FCMR: variants seen among roughly 807,000 people sequenced by gnomAD.
FCMR encodes Fc mu receptor.
Under a neutral mutation model 41.6 loss-of-function variants are expected in FCMR, and 34 were observed. The ratio of observed to expected loss-of-function variants is 0.82; its 90% CI spans 0.62 to 1.09. The LOEUF is 1.09. Among genes scored for constraint, FCMR ranks in the 50% least tolerant of loss-of-function variants. The pLI, the probability that FCMR is intolerant of heterozygous loss-of-function variation, is 0.00. For missense variants in FCMR, 496 were observed against 512.5 expected (o/e 0.97, Z 0.31); for synonymous variants, 209 against 211.8 (o/e 0.99, Z 0.12).
rs2102549434 is a variant in FCMR, at chr1:206,909,383, G to A, written c.1044+79C>T. The A allele has an allele frequency of 5.7e-6, 5 of 872,624 alleles. No homozygotes were observed. In the South Asian group the frequency reaches 1.7e-4, roughly 30 times the overall value. The allele number at this position is 872,624 out of a possible 1,614,324, so 54.1% of individuals were successfully genotyped here. On this transcript the variant is annotated intron_variant, in intron 7 of 7. Coordinates refer to ENST00000367091, the MANE Select transcript of FCMR (RefSeq NM_005449.5). The surrounding 1 kb of genome is among the most constrained non-coding windows in gnomAD (Gnocchi z 5.0). ...GATCGCGGCGGCGGCGGCGCGGGAA[G>A]CCACACTCGGGTCCCCGCCCAGGGC...
chr1:206,915,711 G>C (rs1310134584), intron 1 of FCMR, among the ~76,000 whole-genome samples: 5 of 152,106 alleles, frequency 3.3e-5, no homozygotes, highest in Non-Finnish European at 7.4e-5. Context: ...CTGAAGTGGG[G>C]AGAAGAGATT....
chr1:206,915,755 C>T (rs983850615), intron 1 of FCMR, among the ~76,000 whole-genome samples: 1 of 151,990 alleles, frequency 6.6e-6, no homozygotes, highest in African/African-American at 2.4e-5. Flanking sequence ...CCTAACAGTC[C>T]GGGATATGAG....
Position 206,913,930 on chromosome 1 carries a change from T to G in FCMR, c.202A>C (p.Ile68Leu). 6.2e-7 allele frequency: 1 copy of G among 1,614,242 alleles called. No homozygotes were observed. The highest frequency in any genetic ancestry group is 8.5e-7 in the Non-Finnish European group (1 of 1,180,042). Residue 68 changes from isoleucine to leucine, a missense_variant, in exon 2 of 8, where the codon ATC (isoleucine) becomes CTC (leucine). Transcript: ENST00000367091. ...CGTVVSTTNF[I>L]KAEYKGRVTL... is the part of the protein sequence containing the mutation. The stretch of plus-strand genomic sequence containing the variant: ...ACTCGGCCCTTGTATTCTGCCTTGA[T>G]GAAGTTGGTGGTGGATACCACGGTA...
chr1:206,917,456 C>T (rs1200303791), intron 1 of FCMR, among the ~76,000 whole-genome samples: 1 of 152,168 alleles, frequency 6.6e-6, no homozygotes, highest in Non-Finnish European at 1.5e-5. Flanking sequence ...AAGTGTCCAC[C>T]TCCTTTCAAA....
Position 206,914,097 on chromosome 1 carries a change from G to A in FCMR, c.38-3C>T, listed in dbSNP as rs774537466. 3 of 1,605,850 alleles carry A rather than the reference G, an allele frequency of 1.9e-6. No individual in the cohort carries two copies. In the Admixed American group the frequency reaches 5.0e-5, roughly 27 times the overall value. ...GAGGATCCTCAGGGCCCCCGATACT[G>A]CAGGGAGAGGAGATTAATGCAGAGG... On this transcript the variant is annotated splice_region_variant and splice_polypyrimidine_tract_variant and intron_variant, in intron 1 of 7. Transcript: ENST00000367091.
At chr1:206,922,088 G>T, upstream of FCMR, 1 of 581,342 alleles carries the variant, frequency 1.7e-6, no homozygotes. Flanking sequence ...AAAACATGTT[G>T]TGTGGAGTAA....
At chr1:206,922,895 G>T (rs1374154992), upstream of FCMR, among the ~76,000 whole-genome samples, 1 of 152,160 alleles carries the variant, frequency 6.6e-6, no homozygotes, top group African/African-American at 2.4e-5. Flanking sequence ...CCTGGGCCTC[G>T]GTTTTTTCCT....
chr1:206,916,834 A>T (rs1216043016), intron 1 of FCMR, among the ~76,000 whole-genome samples: 1 of 152,236 alleles, frequency 6.6e-6, no homozygotes, highest in Non-Finnish European at 1.5e-5. Flanking sequence ...AAAGGTGATT[A>T]CATCTGTCTA....
Position 206,913,934 on chromosome 1 carries a change from G to T in FCMR, c.198C>A (p.Asn66Lys), listed in dbSNP as rs764455584. The T allele has an allele frequency of 1.2e-6, 2 of 1,614,238 alleles. No individual in the cohort carries two copies. Among genetic ancestry groups the T allele is most frequent in the Non-Finnish European group, 1.7e-6 (2 of 1,180,050 alleles). ...GGCCCTTGTATTCTGCCTTGATGAAGTTGGTGGTGGATACCACGGTACCAC... is the reference window on the plus strand; with the variant it reads ...GGCCCTTGTATTCTGCCTTGATGAATTTGGTGGTGGATACCACGGTACCAC... ...GTCGTVVSTTNFIKAEYKGRV... is the reference protein window; with the variant it reads ...GTCGTVVSTTKFIKAEYKGRV... The change falls in exon 2 of 8, where the codon AAC (asparagine) becomes AAA (lysine). Residue 66 changes from asparagine to lysine, a missense_variant. Physicochemically the swap from Asn to Lys is moderately conservative, Grantham distance 94. Coordinates refer to ENST00000367091, the MANE Select transcript of FCMR (RefSeq NM_005449.5).
Position 206,904,774 on chromosome 1 carries a change from T to G in FCMR, c.*245A>C, listed in dbSNP as rs1678546135. On this transcript the variant is annotated 3_prime_UTR_variant, in exon 8 of 8. Coordinates refer to ENST00000367091, the MANE Select transcript of FCMR (RefSeq NM_005449.5). The stretch of plus-strand genomic sequence containing the variant: ...GGCTTGGAAAGGAAGCAAGTGGCAT[T>G]GGGACAATTGCTCTACATGCCTACA... The G allele has an allele frequency of 4.0e-6, 2 of 495,176 alleles. No homozygotes were observed. Among genetic ancestry groups the G allele is most frequent in the Non-Finnish European group, 7.4e-6 (2 of 270,904 alleles). The allele number at this position is 495,176 out of a possible 1,614,324, so 30.7% of individuals were successfully genotyped here.
Position 206,910,339 on chromosome 1 carries a change from C to T in FCMR, c.712G>A (p.Ala238Thr), listed in dbSNP as rs1203839656. Residue 238 changes from alanine (A) to threonine (T), a missense_variant and splice_region_variant, in exon 5 of 8, where the codon GCA becomes ACA. Coordinates refer to ENST00000367091, the MANE Select transcript of FCMR (RefSeq NM_005449.5). ...NHHTRLHRQR[A>T]LDYGSQSGRE... The stretch of plus-strand genomic sequence containing the variant: ...CCAGACTGTGAGCCATAGTCCAGTG[C>T]TCTGGGGAGGGAAGGAAAGGGAGAG... The T allele has an allele frequency of 1.3e-6, 2 of 1,548,590 alleles. No individual in the cohort carries two copies. The highest frequency in any genetic ancestry group is 2.4e-5 in the South Asian group (2 of 81,826).
chr1:206,910,057 C>T, intron 5 of FCMR, 153 bp downstream of exon 5: 1 of 1,142,790 alleles, frequency 8.8e-7, no homozygotes, highest in South Asian at 1.7e-5. Context: ...CCGCTCTCCT[C>T]CTCAGACCAG....
chr1:206,914,041 C>T lies in FCMR; in HGVS notation c.91G>A (p.Gly31Arg), dbSNP rs200811923. The T allele has an allele frequency of 1.1e-5, 17 of 1,614,054 alleles. No individual in the cohort carries two copies. The highest frequency in any genetic ancestry group is 1.1e-5 in the Non-Finnish European group (13 of 1,180,034). ...PEVKVEGELG[G>R]SVTIKCPLPE... ...AGTGGGCACTTGATGGTAACTGATC[C>T]GCCCAGCTCCCCCTCTACCTTTACT... The change falls in exon 2 of 8, where the codon GGA becomes AGA. Residue 31 changes from glycine to arginine, a missense_variant. By Grantham distance (125) the Gly-to-Arg change is moderately radical (BLOSUM62 -2). Coordinates refer to ENST00000367091, the MANE Select transcript of FCMR (RefSeq NM_005449.5).
At chr1:206,907,501 T>C (rs1300378023) in intron 7 of FCMR, 4 of 422,294 alleles carry the variant, frequency 9.5e-6, no homozygotes, top group African/African-American at 2.0e-5. Flanking sequence ...GAGCCTTTAT[T>C]TGGGGAGGGG....
In FCMR at chr1:206,909,793, G is replaced by A. The variant is rs1056457856; in HGVS notation, c.917C>T (p.Pro306Leu). Residue 306 changes from proline (P) to leucine (L), a missense_variant, in exon 6 of 8, where the codon CCG (proline) becomes CTG (leucine). Physicochemically the swap from Pro to Leu is moderately conservative, Grantham distance 98. Transcript: ENST00000367091. This position sits in a 1 kb window ranked among gnomAD's most constrained non-coding sequence, Gnocchi z 5.0. The part of the protein sequence containing the change: ...LESSQRPRGS[P>L]RPRSQNNIYS... ...GATGTTGTTTTGGGAGCGCGGTCGC[G>A]GCGACCCGCGGGGCCTCTGGGAGCT... 4 of 1,443,016 alleles carry A rather than the reference G, an allele frequency of 2.8e-6. No homozygotes were observed. Among genetic ancestry groups the A allele is most frequent in the Middle Eastern group, 4.0e-4 (2 of 5,000 alleles). The allele number at this position is 1,443,016 out of a possible 1,614,324, so 89.4% of individuals were successfully genotyped here. A position where few individuals can be genotyped will look rare whatever the true frequency, so the allele number is the denominator to read the frequency against.
At chr1:206,917,685 G>A (rs1306409775) in intron 1 of FCMR, 1 of 389,280 alleles carries the variant, frequency 2.6e-6, no homozygotes, top group Non-Finnish European at 5.0e-6. Flanking sequence ...GGGGTGCAGT[G>A]GTGCAATCTT....
At position 206,909,800 on chromosome 1, in the gene FCMR, C is replaced by A; in HGVS notation, c.910G>T (p.Gly304Trp). Residue 304 changes from glycine to tryptophan, a missense_variant, in exon 6 of 8, where the codon GGG becomes TGG. By Grantham distance (184) the Gly-to-Trp change is radical (BLOSUM62 -2). Transcript: ENST00000367091. This position sits in a 1 kb window ranked among gnomAD's most constrained non-coding sequence, Gnocchi z 5.0. Reference sequence around the variant, plus strand: ...TTTTGGGAGCGCGGTCGCGGCGACCCGCGGGGCCTCTGGGAGCTCTCCAGG... The same window carrying A: ...TTTTGGGAGCGCGGTCGCGGCGACCAGCGGGGCCTCTGGGAGCTCTCCAGG... ...RALESSQRPR[G>W]SPRPRSQNNI... 2.1e-6 allele frequency: 3 copies of A among 1,437,950 alleles called. No individual in the cohort carries two copies. The highest frequency in any genetic ancestry group is 2.9e-5 in the South Asian group (2 of 68,442). 89.1% of individuals were successfully genotyped at this position (1,437,950 alleles called of 1,614,324 possible).
intron 1 of FCMR, among the ~76,000 whole-genome samples, chr1:206,917,659 C>T (rs1679249369): frequency 6.6e-6 from 1 of 152,196 alleles, no homozygotes; most frequent in African/African-American, 2.4e-5. Context: ...CAGGGTCTTT[C>T]TCTGTCACCC....
chr1:206,921,811 T>A lies in FCMR; in HGVS notation c.37+7A>T. The A allele has an allele frequency of 6.2e-7, 1 of 1,613,952 alleles. No individual in the cohort carries two copies. The highest frequency in any genetic ancestry group is 1.1e-5 in the South Asian group (1 of 91,078). ...AGAGGTCTGAAGTGTTTCCCCACGGTACTTACCTGGCAGGAAGTAAAGTGG... is the reference window on the plus strand; with the variant it reads ...AGAGGTCTGAAGTGTTTCCCCACGGAACTTACCTGGCAGGAAGTAAAGTGG... On this transcript the variant is annotated splice_region_variant and intron_variant, in intron 1 of 7. Transcript: ENST00000367091.
Sources: allele counts gnomAD v4.1 joint callset (sites outside exome capture counted in the v4.1 genomes callset), GRCh38; gene constraint gnomAD v4.1.1; non-coding constraint Gnocchi (gnomAD v3.1); transcripts MANE v1.5; gene names NCBI Gene and HGNC (gene_info 2026-07-23, HGNC 2026-07-21).